The following GLG1 variants were observed in gnomAD, a reference collection of about 807,000 sequenced individuals.
The protein encoded by GLG1 is Golgi apparatus protein 1.
A neutral mutation model predicts 160.5 loss-of-function variants in GLG1; 38 were observed. That is an observed-to-expected ratio of 0.24 (90% CI 0.18 to 0.31). GLG1 has a LOEUF of 0.31. Ranked by LOEUF, GLG1 falls within the 10% of genes least tolerant of loss-of-function variation. GLG1 has a pLI of 1.00. For missense variants in GLG1, 1,373 were observed against 1,505.2 expected (o/e 0.91, Z 1.45); for synonymous variants, 644 against 543.4 (o/e 1.19, Z -2.57).
intron 17 of GLG1, 32 bp from the exon 18 acceptor site, chr16:74,467,880 C>T: frequency 4.1e-6 from 6 of 1,452,456 alleles, no homozygotes; most frequent in Non-Finnish European, 4.8e-6. Context: ...GAAAGGTGAG[C>T]TTGGTTTAGG....
At chr16:74,594,076 T>A (rs1158992174) in intron 1 of GLG1, among the ~76,000 whole-genome samples, 1 of 151,950 alleles carries the variant, frequency 6.6e-6, no homozygotes, top group East Asian at 1.9e-4. Flanking sequence ...CTGGCTAATT[T>A]TTTTATTGGT....
intron 1 of GLG1, among the ~76,000 whole-genome samples, chr16:74,555,828 TC>T (rs1461467481): frequency 1.4e-5 from 2 of 145,952 alleles, no homozygotes; most frequent in African/African-American, 2.6e-5. Flanking sequence ...TGATAATTCA[TC>T]TTTTTTTTTT....
chr16:74,475,478 G>A (rs1597241570), intron 12 of GLG1, among the ~76,000 whole-genome samples: 2 of 152,294 alleles, frequency 1.3e-5, no homozygotes, highest in East Asian at 3.9e-4. Flanking sequence ...TCTAACTCCA[G>A]TACACATCAA....
intron 1 of GLG1, among the ~76,000 whole-genome samples, chr16:74,567,647 C>T (rs897685563): frequency 4.9e-5 from 7 of 143,180 alleles, no homozygotes; most frequent in African/African-American, 7.8e-5. Context: ...CGGCTCACTG[C>T]AAGCTCCGCT....
intron 1 of GLG1, among the ~76,000 whole-genome samples, chr16:74,550,691 G>C (rs1336834899): frequency 1.3e-5 from 2 of 151,776 alleles, no homozygotes; most frequent in Admixed American, 6.6e-5. Flanking sequence ...ATAAGACAAA[G>C]ATGCAAAAGT....
chr16:74,459,090 T>C (rs1386939464), intron 23 of GLG1, among the ~76,000 whole-genome samples: 2 of 152,228 alleles, frequency 1.3e-5, no homozygotes. Flanking sequence ...AAGGAAAATA[T>C]ACGGATCTAG....
chr16:74,540,865 G>C (rs1244703521), intron 1 of GLG1, among the ~76,000 whole-genome samples: 1 of 152,150 alleles, frequency 6.6e-6, no homozygotes, highest in African/African-American at 2.4e-5. Context: ...GAGATAAAAG[G>C]CCTTGTTTTC....
chr16:74,591,637 A>G (rs1410286552), intron 1 of GLG1, among the ~76,000 whole-genome samples: 2 of 152,138 alleles, frequency 1.3e-5, no homozygotes, highest in Non-Finnish European at 2.9e-5. Flanking sequence ...CGAAAAAAAA[A>G]GAAGACTTAC....
rs548036501 is a variant in GLG1, at chr16:74,463,271, T to C, written c.2791+85A>G. ...TTAAAATTCCCAGGCAACAAAGCCC[T>C]GGGAGTTTGAGCAGGTCACTCTACA... is the stretch of plus-strand genomic sequence containing the variant. On this transcript the variant is annotated intron_variant, in intron 20 of 25. Transcript: ENST00000422840. 5.2e-6 allele frequency: 7 copies of C among 1,347,564 alleles called. No homozygotes were observed. In the South Asian group the frequency reaches 7.4e-5, roughly 14 times the overall value. 83.5% of individuals were successfully genotyped at this position (1,347,564 alleles called of 1,614,324 possible). A position where few individuals can be genotyped will look rare whatever the true frequency, so the allele number is the denominator to read the frequency against.
chr16:74,512,765 G>C (rs968116776), intron 2 of GLG1, among the ~76,000 whole-genome samples: 1 of 151,926 alleles, frequency 6.6e-6, no homozygotes, highest in Admixed American at 6.6e-5. Context: ...AGGTTGGAAA[G>C]GGAATAAACA....
intron 2 of GLG1, among the ~76,000 whole-genome samples, chr16:74,518,157 T>G (rs538978678): frequency 2.0e-5 from 3 of 152,162 alleles, no homozygotes; most frequent in Non-Finnish European, 2.9e-5. Context: ...GCTATCCTCA[T>G]CAAGCTGCCA....
chr16:74,589,969 G>A (rs1484531405), intron 1 of GLG1, among the ~76,000 whole-genome samples: 3 of 147,006 alleles, frequency 2.0e-5, no homozygotes, highest in Admixed American at 7.0e-5. Context: ...AAAATATACC[G>A]ATAGTACAAA....
chr16:74,505,283 G>A (rs1469121162), intron 3 of GLG1, among the ~76,000 whole-genome samples: 1 of 152,186 alleles, frequency 6.6e-6, no homozygotes, highest in Non-Finnish European at 1.5e-5. Flanking sequence ...AGAAAAGAAA[G>A]TTGTGTTTAC....
intron 22 of GLG1, chr16:74,461,520 G>GGGT (rs2014796161): frequency 6.8e-6 from 1 of 146,418 alleles, no homozygotes; most frequent in Admixed American, 6.9e-5. Context: ...GCCCAGGCTG[G>GGGT]GGTGCAGTGG....
rs747437512 is a variant in GLG1, at chr16:74,453,296, T to C, written c.3411A>G (p.Gln1137=). 4 of 1,613,866 alleles carry C rather than the reference T, an allele frequency of 2.5e-6. No homozygotes were observed. The highest frequency in any genetic ancestry group is 3.4e-6 in the Non-Finnish European group (4 of 1,179,776). ...PADGFSDLAM[Q]VMTSPSKNYI... ...AGTTCTTAGATGGAGACGTCATTAC[T>C]TGCATGGCAAGATCAGAGAAGCCAT... The change falls in exon 26 of 26, where the codon CAA becomes CAG. Residue 1137 remains glutamine, a synonymous_variant. Coordinates refer to ENST00000422840, the MANE Select transcript of GLG1 (RefSeq NM_001145667.2).
chr16:74,596,515 G>C (rs1247918618), intron 1 of GLG1, among the ~76,000 whole-genome samples: 7 of 152,004 alleles, frequency 4.6e-5, no homozygotes, highest in African/African-American at 7.2e-5. Flanking sequence ...GGCCACAAGA[G>C]ACTCCACCTC....
At chr16:74,482,984 G>T in intron 10 of GLG1, 39 bp downstream of exon 10, 1 of 1,013,522 alleles carries the variant, frequency 9.9e-7, no homozygotes, top group Non-Finnish European at 1.6e-6. Flanking sequence ...AGGAGAAGAG[G>T]CTGAGGCAAT....
In GLG1 at chr16:74,572,627, T is replaced by C. The variant is rs972340060; in HGVS notation, c.438+34030A>G. Among the ~76,000 whole-genome samples, 6 of 151,728 alleles carry C rather than the reference T, an allele frequency of 4.0e-5. 1 individual carries two copies. Among genetic ancestry groups the C allele is most frequent in the Non-Finnish European group, 7.4e-5 (5 of 68,008 alleles). Reference sequence around the variant, plus strand: ...GAGAGTGGCCTGCCTGGAGAGGGCATAGAAGCTCCTTGCCCCTTCTCCCAT... The same window carrying C: ...GAGAGTGGCCTGCCTGGAGAGGGCACAGAAGCTCCTTGCCCCTTCTCCCAT... On this transcript the variant is annotated intron_variant, in intron 1 of 25. Transcript: ENST00000422840.
At chr16:74,478,868 G>A (rs2015487980) in intron 11 of GLG1, among the ~76,000 whole-genome samples, 1 of 142,238 alleles carries the variant, frequency 7.0e-6, no homozygotes, top group African/African-American at 2.6e-5. Context: ...ACTCCAGCCT[G>A]GGCCAACAAG....
Sources: gnomAD v4.1 joint callset for allele counts (sites outside exome capture counted in the v4.1 genomes callset) on GRCh38, gnomAD v4.1.1 for gene constraint, MANE v1.5 for transcripts, NCBI Gene and HGNC (gene_info 2026-07-23, HGNC 2026-07-21) for gene names.